UGGT2: variants seen among roughly 807,000 people sequenced by gnomAD.
The protein encoded by UGGT2 is UDP-glucose glycoprotein glucosyltransferase 2, also known as UDP-glucose:glycoprotein glucosyltransferase 2.
UGGT2 carries 180 observed loss-of-function variants against 192.1 expected under a neutral mutation model. The ratio of observed to expected loss-of-function variants is 0.94; its 90% CI spans 0.83 to 1.06. The LOEUF (loss-of-function observed/expected upper bound fraction) is 1.06. Ranked by LOEUF, UGGT2 falls within the 50% of genes least tolerant of loss-of-function variation. The probability of loss-of-function intolerance (pLI) is 0.00; values close to 1 mark genes in which losing one functional copy is unlikely to be tolerated. For missense variants in UGGT2, 1,849 were observed against 1,795.7 expected (o/e 1.03, Z -0.54); for synonymous variants, 580 against 591.0 (o/e 0.98, Z 0.27).
Position 95,877,300 on chromosome 13 carries a change from TCA to T in UGGT2, c.3450_3451del (p.Glu1151ArgfsTer9). On this transcript the variant is annotated frameshift_variant, in exon 29 of 39. Transcript: ENST00000376747. LOFTEE classifies it high-confidence loss of function. ...TCACCCAACTATTTGATAAATATCT[TCA>T]GATTTTCCTTGGTGTAACCTCAGTA... 6.2e-7 allele frequency: 1 copy of T among 1,602,614 alleles called. No individual in the cohort carries two copies. Among genetic ancestry groups the T allele is most frequent in the Non-Finnish European group, 8.5e-7 (1 of 1,175,992 alleles).
chr13:95,954,075 A>T (rs2050144128), intron 12 of UGGT2, among the ~76,000 whole-genome samples: 1 of 152,306 alleles, frequency 6.6e-6, no homozygotes, highest in East Asian at 1.9e-4. Context: ...CAAGTAGAAA[A>T]TTCCACACCT....
intron 27 of UGGT2, among the ~76,000 whole-genome samples, chr13:95,879,058 G>C (rs1190837855): frequency 6.6e-6 from 1 of 152,072 alleles, no homozygotes; most frequent in Non-Finnish European, 1.5e-5. Context: ...AGAATAATAT[G>C]AGAATGTTAA....
At chr13:96,050,564 T>G (rs1018231889) in intron 1 of UGGT2, among the ~76,000 whole-genome samples, 1 of 151,914 alleles carries the variant, frequency 6.6e-6, no homozygotes, top group African/African-American at 2.4e-5. Context: ...TGGGAGAAAA[T>G]TTTTGCAATC....
intron 2 of UGGT2, among the ~76,000 whole-genome samples, chr13:96,024,777 G>A (rs1157053128): frequency 6.6e-6 from 1 of 152,204 alleles, no homozygotes; most frequent in Non-Finnish European, 1.5e-5. Flanking sequence ...GTGGATATCT[G>A]ATGTGAAAGG....
At chr13:95,964,060 C>A (rs530941286) in intron 12 of UGGT2, among the ~76,000 whole-genome samples, 2 of 152,020 alleles carry the variant, frequency 1.3e-5, no homozygotes, top group African/African-American at 4.8e-5. Context: ...CATCACACCA[C>A]CTGATTTGAA....
chr13:95,854,472 C>T lies in UGGT2; in HGVS notation c.4012G>A (p.Val1338Met), dbSNP rs528305209. The T allele has an allele frequency of 1.6e-5, 25 of 1,601,622 alleles. No homozygotes were observed. The East Asian group carries it at 5.4e-4, about 34-fold the overall frequency. ...CGAAGTTCTTTTAGATCATGTCTCA[C>T]AATCTAAATAATTAAAATAGACTGT... ...KIIFVDADQI[V>M]RHDLKELRDF... Residue 1338 changes from valine (V) to methionine (M), a missense_variant, in exon 35 of 39, where the codon GTG becomes ATG. Val to Met is a conservative substitution (Grantham distance 21, BLOSUM62 1). Transcript: ENST00000376747.
intron 7 of UGGT2, among the ~76,000 whole-genome samples, chr13:95,992,580 C>A (rs1351633775): frequency 6.6e-6 from 1 of 152,048 alleles, no homozygotes. Flanking sequence ...GTTTTAGGAG[C>A]CTTATGGCGG....
At chr13:95,851,732 C>T (rs1889067999) in intron 36 of UGGT2, among the ~76,000 whole-genome samples, 1 of 152,190 alleles carries the variant, frequency 6.6e-6, no homozygotes, top group African/African-American at 2.4e-5. Context: ...GGGAGCCAAA[C>T]TACATTTGAG....
chr13:95,969,628 A>G (rs2050703338), intron 12 of UGGT2, among the ~76,000 whole-genome samples: 1 of 152,248 alleles, frequency 6.6e-6, no homozygotes, highest in Non-Finnish European at 1.5e-5. Flanking sequence ...AGCCATCTGC[A>G]GCCTCATAGG....
intron 16 of UGGT2, among the ~76,000 whole-genome samples, chr13:95,939,219 A>G (rs1050633026): frequency 5.3e-5 from 8 of 152,116 alleles, no homozygotes; most frequent in Non-Finnish European, 8.8e-5. Context: ...TCAGAACACA[A>G]TATTTTTCTG....
intron 30 of UGGT2, among the ~76,000 whole-genome samples, chr13:95,866,784 G>C (rs577361224): frequency 1.3e-5 from 2 of 152,248 alleles, no homozygotes; most frequent in African/African-American, 4.8e-5. Flanking sequence ...CTTGGGTCAA[G>C]AGAAGTTTCT....
Position 95,970,221 on chromosome 13 carries a change from C to T in UGGT2, c.1226G>A (p.Gly409Asp). ...MLKLEGKMMNGLRNLGINGED... is the reference protein window; with the variant it reads ...MLKLEGKMMNDLRNLGINGED... ...CCCATTGATCCCAAGATTGCGAAGG[C>T]CATTCATCATTTTTCCTTCTAATTT... is the stretch of plus-strand genomic sequence containing the variant. The change falls in exon 12 of 39, where the codon GGC becomes GAC. Residue 409 changes from glycine (G) to aspartate (D), a missense_variant. Gly to Asp is a moderately conservative substitution (Grantham distance 94, BLOSUM62 -1). Coordinates refer to ENST00000376747, the MANE Select transcript of UGGT2 (RefSeq NM_020121.4). 1 of 1,613,024 alleles carries T rather than the reference C, an allele frequency of 6.2e-7. No individual in the cohort carries two copies. The highest frequency in any genetic ancestry group is 8.5e-7 in the Non-Finnish European group (1 of 1,179,322).
intron 36 of UGGT2, among the ~76,000 whole-genome samples, chr13:95,840,734 A>C (rs893894788): frequency 5.9e-5 from 9 of 152,210 alleles, no homozygotes; most frequent in African/African-American, 1.9e-4. Context: ...TCATTCTACT[A>C]TAAAGACACA....
At position 95,977,000 on chromosome 13, in the gene UGGT2, C is replaced by A. The variant is rs948933732; in HGVS notation, c.1093-4329G>T. Among the ~76,000 whole-genome samples the A allele has an allele frequency of 5.3e-5, 8 of 152,164 alleles. No individual in the cohort carries two copies. In the East Asian group the frequency reaches 1.2e-3, roughly 22 times the overall value. On this transcript the variant is annotated intron_variant, in intron 10 of 38. Coordinates refer to ENST00000376747, the MANE Select transcript of UGGT2 (RefSeq NM_020121.4). ...GCTAGGAAAACTGGCTAGCCATATG[C>A]AGAAAACAGAAACTGGACCCCTTCC... is the stretch of plus-strand genomic sequence containing the variant.
At chr13:95,862,825 C>G (rs1376247480) in intron 31 of UGGT2, among the ~76,000 whole-genome samples, 1 of 152,152 alleles carries the variant, frequency 6.6e-6, no homozygotes, top group Non-Finnish European at 1.5e-5. Flanking sequence ...ACCAGGTGTA[C>G]TCCTGGATTC....
At chr13:95,866,435 CTTAGGCTATTGTAAT>C (rs1306071181) in intron 30 of UGGT2, among the ~76,000 whole-genome samples, 2 of 152,102 alleles carry the variant, frequency 1.3e-5, no homozygotes, top group African/African-American at 4.8e-5. Flanking sequence ...TGATTTGCAG[CTTAGGCTATTGTAAT>C]CTTATTCCAG....
At chr13:96,009,493 C>CA (rs1290382813) in intron 5 of UGGT2, among the ~76,000 whole-genome samples, 3 of 152,070 alleles carry the variant, frequency 2.0e-5, no homozygotes, top group Non-Finnish European at 2.9e-5. Context: ...AATTTACAAG[C>CA]AAAAAATAAA....
chr13:96,033,470 G>A (rs2052902288), intron 1 of UGGT2, among the ~76,000 whole-genome samples: 1 of 152,104 alleles, frequency 6.6e-6, no homozygotes, highest in African/African-American at 2.4e-5. Context: ...AAGGCAGGTA[G>A]GAGCCCATGC....
intron 4 of UGGT2, among the ~76,000 whole-genome samples, chr13:96,015,226 C>T (rs1028496913): frequency 6.0e-5 from 9 of 149,326 alleles, no homozygotes; most frequent in African/African-American, 2.0e-4. Context: ...TGCAGTGAGC[C>T]GAGATCGCAT....
Sources: gnomAD v4.1 joint callset for allele counts (sites outside exome capture counted in the v4.1 genomes callset) on GRCh38, gnomAD v4.1.1 for gene constraint, MANE v1.5 for transcripts, NCBI Gene and HGNC (gene_info 2026-07-23, HGNC 2026-07-21) for gene names.